Variants in FOXP1 observed in about 807,000 individuals in gnomAD.
FOXP1 encodes forkhead box P1.
FOXP1 carries 15 observed loss-of-function variants against 98.2 expected under a neutral mutation model. The ratio of observed to expected loss-of-function variants is 0.15; its 90% confidence interval spans 0.10 to 0.24. FOXP1 has a LOEUF of 0.24. Ranked by LOEUF, FOXP1 falls within the 10% of genes least tolerant of loss-of-function variation. The pLI, the probability that FOXP1 is intolerant of heterozygous loss-of-function variation, is 1.00. For synonymous variants in FOXP1, 371 were observed against 314.5 expected (o/e 1.18, Z -1.90); for missense variants, 633 against 848.5 (o/e 0.75, Z 3.15).
chr3:71,515,449 A>AC (rs1553906396), intron 2 of FOXP1, among the ~76,000 whole-genome samples: 9 of 140,586 alleles, frequency 6.4e-5, no homozygotes, highest in Non-Finnish European at 6.2e-5. Context: ...AAAAAAAAAA[A>AC]AAAACTGCAC....
intron 6 of FOXP1, among the ~76,000 whole-genome samples, chr3:71,173,366 GA>G (rs1167817833): frequency 1.5e-5 from 2 of 129,476 alleles, no homozygotes; most frequent in African/African-American, 3.0e-5. Flanking sequence ...CCTCAATTTA[GA>G]AAAAAAAGAA....
At chr3:71,465,677 T>G (rs1015066557) in intron 3 of FOXP1, among the ~76,000 whole-genome samples, 1 of 152,072 alleles carries the variant, frequency 6.6e-6, no homozygotes. Flanking sequence ...CTCTAAGAGT[T>G]TAAAAAAAGA....
At chr3:71,344,219 A>G (rs2077188724) in intron 4 of FOXP1, among the ~76,000 whole-genome samples, 1 of 152,214 alleles carries the variant, frequency 6.6e-6, no homozygotes, top group South Asian at 2.1e-4. Context: ...TTAATTTATA[A>G]TGAGGAAAGA....
intron 3 of FOXP1, among the ~76,000 whole-genome samples, chr3:71,383,665 A>C (rs1448064102): frequency 6.6e-6 from 1 of 152,162 alleles, no homozygotes; most frequent in Non-Finnish European, 1.5e-5. Flanking sequence ...ACATGTACTT[A>C]ACTAAAAAGA....
Position 71,583,618 on chromosome 3 carries a change from T to G in FOXP1, c.-494A>C. ...GCAAACTAAGGTGTTTTCGGGCCTT[T>G]CCCCGCGCGCGCCCACTCCCGCCCG... is the stretch of plus-strand genomic sequence containing the variant. On this transcript the variant is annotated 5_prime_UTR_variant, in exon 1 of 21. Coordinates refer to ENST00000649528, the MANE Select transcript of FOXP1 (RefSeq NM_001349338.3). 1.0e-6 allele frequency: 1 copy of G among 982,548 alleles called. No individual in the cohort carries two copies. The highest frequency in any genetic ancestry group is 1.8e-5 in the African/African-American group (1 of 56,472). 60.9% of individuals were successfully genotyped at this position (982,548 alleles called of 1,614,324 possible). A position where few individuals can be genotyped will look rare whatever the true frequency, so the allele number is the denominator to read the frequency against.
chr3:71,292,094 G>A (rs1343669228), intron 5 of FOXP1, among the ~76,000 whole-genome samples: 1 of 152,054 alleles, frequency 6.6e-6, no homozygotes, highest in Non-Finnish European at 1.5e-5. Context: ...CTTTGAAAAT[G>A]ACTGGTCTAA....
At chr3:71,091,071 ACATT>A (rs1265706266) in intron 7 of FOXP1, among the ~76,000 whole-genome samples, 1 of 114,868 alleles carries the variant, frequency 8.7e-6, no homozygotes, top group African/African-American at 2.9e-5. Flanking sequence ...AGGGCAGGTA[ACATT>A]TTGAGCTACA....
intron 4 of FOXP1, among the ~76,000 whole-genome samples, chr3:71,354,282 A>G (rs184855568): frequency 6.6e-6 from 1 of 151,214 alleles, no homozygotes; most frequent in African/African-American, 2.4e-5. Flanking sequence ...CGTCTCCAGA[A>G]AAAAAAAAAG....
chr3:71,290,094 G>C (rs2107492078), intron 5 of FOXP1: 1 of 152,250 alleles, frequency 6.6e-6, no homozygotes, highest in African/African-American at 2.4e-5. Context: ...ATCTTAGTCT[G>C]GGTGCATAGC....
Position 71,128,400 on chromosome 3 carries a change from C to T in FOXP1, c.181-15763G>A, listed in dbSNP as rs191666908. On this transcript the variant is annotated intron_variant, in intron 6 of 20. Transcript: ENST00000649528. ...TGGAGGAATCAATTTGAGATAATGA[C>T]AGCCTTGAAGATAATGAAATGGGTT... 1.1e-3 allele frequency among the ~76,000 whole-genome samples: 165 copies of T among 151,516 alleles called. 3 individuals are homozygous for T. The highest frequency in any genetic ancestry group is 8.0e-3 in the Admixed American group (122 of 15,252).
At chr3:71,285,467 C>T (rs539027917) in intron 5 of FOXP1, among the ~76,000 whole-genome samples, 17 of 151,632 alleles carry the variant, frequency 1.1e-4, no homozygotes, top group African/African-American at 3.6e-4. Flanking sequence ...GGAGAGGGAA[C>T]GAGGAAGAAA....
intron 7 of FOXP1, among the ~76,000 whole-genome samples, chr3:71,075,347 T>G (rs1426291167): frequency 6.6e-6 from 1 of 152,242 alleles, no homozygotes; most frequent in Non-Finnish European, 1.5e-5. Context: ...TGTATCATTA[T>G]TACTATTACT....
chr3:71,046,184 G>C (rs1193138016), intron 10 of FOXP1, among the ~76,000 whole-genome samples: 1 of 152,102 alleles, frequency 6.6e-6, no homozygotes, highest in Non-Finnish European at 1.5e-5. Flanking sequence ...GAAAGTCAGA[G>C]TTGCTTAAAC....
intron 12 of FOXP1, among the ~76,000 whole-genome samples, chr3:71,009,497 CCTCTGTGTGGGA>C (rs1168484664): frequency 6.6e-6 from 1 of 152,076 alleles, no homozygotes; most frequent in Non-Finnish European, 1.5e-5. Context: ...CATGCCCTCC[CCTCTGTGTGGGA>C]CTTTTTACCA....
At chr3:71,492,585 C>T (rs1407734347) in intron 3 of FOXP1, among the ~76,000 whole-genome samples, 2 of 152,134 alleles carry the variant, frequency 1.3e-5, no homozygotes, top group Non-Finnish European at 2.9e-5. Flanking sequence ...GAATTTGCTT[C>T]CAATACTACT....
chr3:71,015,408 G>T, intron 12 of FOXP1, 141 bp downstream of exon 12: 1 of 638,350 alleles, frequency 1.6e-6, no homozygotes. Context: ...CTATGACAGT[G>T]CACTAGACCT....
intron 4 of FOXP1, among the ~76,000 whole-genome samples, chr3:71,320,659 G>C (rs2107666032): frequency 6.6e-6 from 1 of 152,178 alleles, no homozygotes; most frequent in East Asian, 1.9e-4. Context: ...CTCTTGCTAA[G>C]CTCTATCCCA....
At chr3:71,026,421 T>C (rs1332519463) in intron 11 of FOXP1, among the ~76,000 whole-genome samples, 2 of 152,138 alleles carry the variant, frequency 1.3e-5, no homozygotes, top group Non-Finnish European at 2.9e-5. Context: ...ACTGACAAAG[T>C]AGCAAGTCTC....
chr3:71,128,840 C>G (rs1333938852), intron 6 of FOXP1, among the ~76,000 whole-genome samples: 4 of 151,726 alleles, frequency 2.6e-5, no homozygotes, highest in Non-Finnish European at 5.9e-5. Flanking sequence ...AAAAGCCTGG[C>G]AAATTCTCAG....
Sources: allele counts gnomAD v4.1 joint callset (sites outside exome capture counted in the v4.1 genomes callset), GRCh38; gene constraint gnomAD v4.1.1; transcripts MANE v1.5; gene names NCBI Gene and HGNC (gene_info 2026-07-23, HGNC 2026-07-21).